The following PLA2G5 variants were observed in gnomAD, a reference collection of about 807,000 sequenced individuals.
The protein encoded by PLA2G5 is Ca2+-dependent phospholipase A2.
Under a neutral mutation model 15.9 loss-of-function variants are expected in PLA2G5, and 12 were observed. The observed-to-expected ratio is 0.76, with a 90% CI of 0.48 to 1.23. The LOEUF (loss-of-function observed/expected upper bound fraction) is 1.23, where lower values mean the gene tolerates loss of function less well. Among genes scored for constraint, PLA2G5 ranks in the 50% most tolerant of loss-of-function variants. The pLI is 0.00. For missense variants in PLA2G5, 169 were observed against 177.1 expected (o/e 0.95, Z 0.26); for synonymous variants, 71 against 71.4 (o/e 0.99, Z 0.03).
intron 1 of PLA2G5, among the ~76,000 whole-genome samples, chr1:20,050,840 G>A (rs1022970937): frequency 6.6e-6 from 1 of 151,300 alleles, no homozygotes; most frequent in African/African-American, 2.4e-5. Flanking sequence ...TATAAATTCT[G>A]TCTTTTTCTG....
intron 1 of PLA2G5, among the ~76,000 whole-genome samples, chr1:20,047,440 T>A (rs1415011703): frequency 6.6e-6 from 1 of 152,202 alleles, no homozygotes; most frequent in Admixed American, 6.5e-5. Flanking sequence ...CTGTAGGTTT[T>A]ATGGCATCTC....
intron 1 of PLA2G5, among the ~76,000 whole-genome samples, chr1:20,052,326 C>T (rs77423980): frequency 0.078 from 11,872 of 152,070 alleles, 635 homozygotes; most frequent in African/African-American, 0.15. Flanking sequence ...CTTCTTTATT[C>T]CTCCATTTTT....
chr1:20,033,560 G>A (rs1273868223), intron 1 of PLA2G5, among the ~76,000 whole-genome samples: 1 of 152,146 alleles, frequency 6.6e-6, no homozygotes. Context: ...TGCCTCTGGG[G>A]CCAGCAATGT....
In PLA2G5 at chr1:20,032,890, T is replaced by C. The variant is rs1292705792; in HGVS notation, n.276+4181T>C. ...AAGTTTTCATTGGTTTTGGCATTTG[T>C]AGCCTTTTGGTGTTCCTTGCAATAG... On this transcript the variant is annotated intron_variant and non_coding_transcript_variant, in intron 1 of 6. Transcript: ENST00000460175. Among the ~76,000 whole-genome samples, 7 of 152,232 alleles carry C rather than the reference T, an allele frequency of 4.6e-5. 1 individual carries two copies. The highest frequency in any genetic ancestry group is 3.3e-4 in the Admixed American group (5 of 15,290).
chr1:20,061,372 C>T (rs2014719457), intron 2 of PLA2G5, among the ~76,000 whole-genome samples: 1 of 151,974 alleles, frequency 6.6e-6, no homozygotes, highest in South Asian at 2.1e-4. Context: ...ATCACTTGAG[C>T]TCAGGAGTTC....
intron 1 of PLA2G5, among the ~76,000 whole-genome samples, chr1:20,057,896 A>G (rs547773565): frequency 1.5e-4 from 23 of 152,200 alleles, no homozygotes; most frequent in Admixed American, 1.4e-3. Flanking sequence ...CGTGTTATTT[A>G]GAAGTGTGTT....
chr1:20,070,067 C>T (rs114009699), upstream of PLA2G5: 79 of 336,706 alleles, frequency 2.3e-4, no homozygotes, highest in African/African-American at 1.4e-3. Context: ...TGGCTAAAGC[C>T]GTGACCTGGA....
upstream of PLA2G5, among the ~76,000 whole-genome samples, chr1:20,066,672 T>C (rs2100503073): frequency 6.6e-6 from 1 of 152,340 alleles, no homozygotes; most frequent in Admixed American, 6.5e-5. Context: ...TTTTGTTTTG[T>C]GTACATATGT....
intron 1 of PLA2G5, among the ~76,000 whole-genome samples, chr1:20,029,517 G>C (rs2012789932): frequency 6.6e-6 from 1 of 152,110 alleles, no homozygotes; most frequent in Non-Finnish European, 1.5e-5. Context: ...GTTTTTATAG[G>C]CACAAGATGG....
chr1:20,074,193 CAG>C (rs1014551669), intron 1 of PLA2G5, among the ~76,000 whole-genome samples: 2 of 152,150 alleles, frequency 1.3e-5, no homozygotes, highest in Non-Finnish European at 2.9e-5. Context: ...TGGAAAAGCT[CAG>C]AGAGTTCAAG....
At chr1:20,063,518 G>A (rs922452840) in intron 2 of PLA2G5, 19 of 152,050 alleles carry the variant, frequency 1.2e-4, no homozygotes, top group African/African-American at 4.6e-4. Context: ...ACTCTTCCTT[G>A]GCTTTAAGAT....
chr1:20,075,574 C>T (rs560724901), intron 1 of PLA2G5, among the ~76,000 whole-genome samples: 1 of 152,306 alleles, frequency 6.6e-6, no homozygotes, highest in South Asian at 2.1e-4. Context: ...AATAAGTGGT[C>T]GTTCCAGGGC....
Position 20,060,288 on chromosome 1 carries a change from CTGTCACCCAGGCTGGAG to C in PLA2G5, n.337+599_337+615del, listed in dbSNP as rs1488020325. ...TTTTTTTTTGAGACAGAGTCTCACT[CTGTCACCCAGGCTGGAG>C]TGCAGTGGTGCAATCTTGGCTCACT... On this transcript the variant is annotated intron_variant and non_coding_transcript_variant, in intron 2 of 6. Coordinates refer to the PLA2G5 transcript ENST00000460175. 2.5e-5 allele frequency among the ~76,000 whole-genome samples: 3 copies of C among 117,648 alleles called. No homozygotes were observed. The East Asian group carries it at 8.7e-4, about 34-fold the overall frequency. 77.2% of individuals were successfully genotyped at this position (117,648 alleles called of 152,430 possible).
At chr1:20,048,506 GTAAGAT>G (rs1192652484) in intron 1 of PLA2G5, among the ~76,000 whole-genome samples, 1 of 152,156 alleles carries the variant, frequency 6.6e-6, no homozygotes, top group Non-Finnish European at 1.5e-5. Flanking sequence ...CTTGAATTTA[GTAAGAT>G]TACCATAACT....
At chr1:20,084,789 A>G (rs778879761) in intron 1 of PLA2G5, 32 bp from the exon 2 acceptor site, 14 of 1,506,982 alleles carry the variant, frequency 9.3e-6, no homozygotes, top group South Asian at 2.3e-5. Context: ...ATTGCCTGAT[A>G]GATCTGTTGT....
At position 20,082,995 on chromosome 1, in the gene PLA2G5, G is replaced by A. The variant is rs912084232; in HGVS notation, c.-10-1826G>A. ...TGACTGTTTAAAAGGACAGACACCGGGCCTGCCAAGGTCATTGATGGGTTT... is the reference window on the plus strand; with the variant it reads ...TGACTGTTTAAAAGGACAGACACCGAGCCTGCCAAGGTCATTGATGGGTTT... On this transcript the variant is annotated intron_variant, in intron 1 of 4. Transcript: ENST00000375108. 2.0e-5 allele frequency among the ~76,000 whole-genome samples: 3 copies of A among 151,954 alleles called. 1 individual carries two copies. Among genetic ancestry groups the A allele is most frequent in the African/African-American group, 4.9e-5 (2 of 41,216 alleles).
intron 1 of PLA2G5, among the ~76,000 whole-genome samples, chr1:20,033,719 G>GT (rs1044236087): frequency 1.8e-4 from 28 of 152,290 alleles, no homozygotes; most frequent in African/African-American, 6.3e-4. Flanking sequence ...TACATACAGA[G>GT]TAAAGGGCTT....
intron 1 of PLA2G5, among the ~76,000 whole-genome samples, chr1:20,076,020 C>T (rs963592204): frequency 4.6e-5 from 7 of 151,968 alleles, no homozygotes; most frequent in Non-Finnish European, 8.8e-5. Flanking sequence ...TACAGGCACT[C>T]GCCACCACAC....
intron 1 of PLA2G5, among the ~76,000 whole-genome samples, chr1:20,058,633 G>T (rs2014553496): frequency 6.6e-6 from 1 of 152,110 alleles, no homozygotes. Context: ...ATTTAGAACT[G>T]ATTTAATGGC....
Sources: allele counts gnomAD v4.1 joint callset (sites outside exome capture counted in the v4.1 genomes callset), GRCh38; gene constraint gnomAD v4.1.1; transcripts MANE v1.5; gene names NCBI Gene and HGNC (gene_info 2026-07-23, HGNC 2026-07-21).